The following TGM2 variants were observed in gnomAD, a reference collection of about 807,000 sequenced individuals.
TGM2 encodes transglutaminase 2, also known as protein-glutamine gamma-glutamyltransferase 2.
TGM2 carries 53 observed loss-of-function variants against 75.6 expected under a neutral mutation model. The observed-to-expected ratio is 0.70, with a 90% CI of 0.56 to 0.88. The LOEUF is 0.88. Ranked by LOEUF, TGM2 falls within the 40% of genes least tolerant of loss-of-function variation. The probability of loss-of-function intolerance (pLI) is 0.00; values close to 1 mark genes in which losing one functional copy is unlikely to be tolerated. For synonymous variants in TGM2, 374 were observed against 381.1 expected, an observed-to-expected ratio of 0.98 and a Z score of 0.22; for missense variants, 842 against 928.5, an observed-to-expected ratio of 0.91 and a Z score of 1.21.
chr20:38,146,378 G>A, intron 6 of TGM2: 1 of 408,374 alleles, frequency 2.4e-6, no homozygotes, highest in Admixed American at 3.8e-5. Flanking sequence ...TCAGAAAGAA[G>A]TCATTTGCTC....
chr20:38,134,912 T>C (rs1487354421), intron 10 of TGM2, among the ~76,000 whole-genome samples: 1 of 152,214 alleles, frequency 6.6e-6, no homozygotes, highest in East Asian at 1.9e-4. Flanking sequence ...CAGCTTGAGC[T>C]TGGCATTGGA....
intron 3 of TGM2, among the ~76,000 whole-genome samples, chr20:38,154,844 G>T (rs1041291482): frequency 1.3e-5 from 2 of 151,334 alleles, no homozygotes; most frequent in African/African-American, 4.8e-5. Context: ...GGTGGCTCAC[G>T]CCTGTAATCC....
chr20:38,130,210 A>G lies in TGM2; in HGVS notation c.*9T>C, dbSNP rs1568679554. The G allele has an allele frequency of 1.2e-6, 2 of 1,613,328 alleles. No homozygotes were observed. The highest frequency in any genetic ancestry group is 1.7e-6 in the Non-Finnish European group (2 of 1,179,874). ...TGGGGGCTCTCAGCAGGCTGGGAGC[A>G]GGGGTCCCTTAGGCGGGGCCAATGA... On this transcript the variant is annotated 3_prime_UTR_variant, in exon 13 of 13. Coordinates refer to ENST00000361475, the MANE Select transcript of TGM2 (RefSeq NM_004613.4).
intron 1 of TGM2, among the ~76,000 whole-genome samples, chr20:38,161,900 C>T (rs1278740034): frequency 1.3e-5 from 2 of 152,166 alleles, no homozygotes; most frequent in Non-Finnish European, 2.9e-5. Flanking sequence ...CTCAAGGGAT[C>T]GTCCCACCCC....
At chr20:38,140,684 T>G (rs982333836) in intron 8 of TGM2, among the ~76,000 whole-genome samples, 2 of 152,224 alleles carry the variant, frequency 1.3e-5, no homozygotes, top group Non-Finnish European at 2.9e-5. Context: ...TTATGGAACT[T>G]ACTGACTCTA....
chr20:38,148,135 C>A lies in TGM2; in HGVS notation c.553-46G>T, dbSNP rs1408092535. 6.2e-6 allele frequency: 10 copies of A among 1,612,702 alleles called. No individual in the cohort carries two copies. In the South Asian group the frequency reaches 9.9e-5, roughly 16 times the overall value. ...GGAGAAAGAGGGAGCTGGGAAGGCA[C>A]CTCCTCCAGGAAGCCTGCGTTGAAG... On this transcript the variant is annotated intron_variant, in intron 4 of 12. Transcript: ENST00000361475.
chr20:38,141,238 T>G lies in TGM2; in HGVS notation c.1099+44A>C, dbSNP rs1332028134. Reference sequence around the variant, plus strand: ...CTGAGTCACTTTAACTCTCCAAGCCTCGTCTTCCCCATCTGTTTGACGCGA... The same window carrying G: ...CTGAGTCACTTTAACTCTCCAAGCCGCGTCTTCCCCATCTGTTTGACGCGA... On this transcript the variant is annotated intron_variant, in intron 8 of 12. Coordinates refer to ENST00000361475, the MANE Select transcript of TGM2 (RefSeq NM_004613.4). 1.0e-5 allele frequency: 15 copies of G among 1,493,896 alleles called. No homozygotes were observed. In the South Asian group the frequency reaches 1.8e-4, roughly 18 times the overall value. The allele number at this position is 1,493,896 out of a possible 1,614,324, so 92.5% of individuals were successfully genotyped here.
At chr20:38,146,464 G>T (rs890678923) in intron 6 of TGM2, 4 of 570,810 alleles carry the variant, frequency 7.0e-6, no homozygotes, top group Middle Eastern at 2.6e-4. Context: ...GAGAACGTGG[G>T]CTCCAGTGCC....
rs990475070 is a variant in TGM2, at chr20:38,128,532, G to A, written c.*1687C>T. 2 of 152,212 alleles carry A rather than the reference G, an allele frequency of 1.3e-5. No homozygotes were observed. The highest frequency in any genetic ancestry group is 2.9e-5 in the Non-Finnish European group (2 of 68,040). 9.4% of individuals were successfully genotyped at this position (152,212 alleles called of 1,614,324 possible). ...CGGTTCAGAAGCACATCTACTGCCT[G>A]GTTGGAACCCAAGGCTTTTATAAAA... On this transcript the variant is annotated 3_prime_UTR_variant, in exon 13 of 13. Coordinates refer to ENST00000361475, the MANE Select transcript of TGM2 (RefSeq NM_004613.4).
intron 3 of TGM2, among the ~76,000 whole-genome samples, chr20:38,152,869 A>G (rs533462713): frequency 1.7e-4 from 26 of 152,388 alleles, no homozygotes; most frequent in Non-Finnish European, 2.6e-4. Flanking sequence ...GAGGCCAAGC[A>G]GGAGGAAGGG....
upstream of TGM2, among the ~76,000 whole-genome samples, chr20:38,166,244 C>G (rs982751928): frequency 4.0e-5 from 6 of 149,542 alleles, no homozygotes; most frequent in Non-Finnish European, 9.0e-5. Context: ...ATCTACCCAT[C>G]CATCCACTCA....
At position 38,147,990 on chromosome 20, in the gene TGM2, C is replaced by T. The variant is rs200412435; in HGVS notation, c.652G>A (p.Val218Ile). The T allele has an allele frequency of 6.8e-6, 11 of 1,612,934 alleles. No individual in the cohort carries two copies. Among genetic ancestry groups the T allele is most frequent in the East Asian group, 2.2e-5 (1 of 44,874 alleles). The change falls in exon 5 of 13, where the codon GTC becomes ATC. Residue 218 changes from valine to isoleucine, a missense_variant. Physicochemically the swap from Val to Ile is conservative, Grantham distance 29. Coordinates refer to ENST00000361475, the MANE Select transcript of TGM2 (RefSeq NM_004613.4). ...GRDCSRRSSP[V>I]YVGRVVSGMV... ...CCACTCACCACCCGGCCCACGTAGA[C>T]GGGGCTGCTGCGGCGGGAGCAGTCA... is the stretch of plus-strand genomic sequence containing the variant.
At chr20:38,151,132 G>T in intron 3 of TGM2, 75 bp from the exon 4 acceptor site, 1 of 1,129,444 alleles carries the variant, frequency 8.9e-7, no homozygotes, top group Non-Finnish European at 1.4e-6. Context: ...GGAGTCAAGG[G>T]TGCCAATTCC....
intron 10 of TGM2, among the ~76,000 whole-genome samples, chr20:38,136,782 G>A (rs1363741274): frequency 2.6e-5 from 4 of 152,166 alleles, no homozygotes; most frequent in Admixed American, 6.5e-5. Context: ...GCTGCTGGGC[G>A]GAGCCCTGGG....
Position 38,151,199 on chromosome 20 carries a change from A to T in TGM2, c.434-142T>A, listed in dbSNP as rs188902190. Reference sequence around the variant, plus strand: ...CTTCTTTTAATTAGAAAAAGTAACCATTAATGAATAATCCCACGTCAATGA... The same window carrying T: ...CTTCTTTTAATTAGAAAAAGTAACCTTTAATGAATAATCCCACGTCAATGA... On this transcript the variant is annotated intron_variant, in intron 3 of 12. Transcript: ENST00000361475. 9 of 700,852 alleles carry T rather than the reference A, an allele frequency of 1.3e-5. No individual in the cohort carries two copies. In the Admixed American group the frequency reaches 1.8e-4, roughly 14 times the overall value. The allele number at this position is 700,852 out of a possible 1,614,324, so 43.4% of individuals were successfully genotyped here.
chr20:38,146,312 A>G, intron 6 of TGM2: 2 of 328,488 alleles, frequency 6.1e-6, no homozygotes, highest in South Asian at 5.2e-5. Flanking sequence ...TGTCACACCC[A>G]CTCTAGGAGG....
chr20:38,159,119 C>A (rs1021074866), intron 2 of TGM2, among the ~76,000 whole-genome samples: 3 of 152,112 alleles, frequency 2.0e-5, no homozygotes, highest in Admixed American at 1.3e-4. Context: ...CAGCCCTTCA[C>A]CCAACCCCAA....
chr20:38,145,288 G>A (rs2075031314), intron 6 of TGM2: 1 of 152,180 alleles, frequency 6.6e-6, no homozygotes, highest in Non-Finnish European at 1.5e-5. Flanking sequence ...AGAAAAGCTG[G>A]AAGCCCCAGA....
chr20:38,138,876 T>C (rs2074933943), intron 9 of TGM2, among the ~76,000 whole-genome samples: 1 of 152,206 alleles, frequency 6.6e-6, no homozygotes, highest in African/African-American at 2.4e-5. Flanking sequence ...TTTGATTTTT[T>C]TCTCCCAGTG....
Sources: gnomAD v4.1 joint callset for allele counts (sites outside exome capture counted in the v4.1 genomes callset) on GRCh38, gnomAD v4.1.1 for gene constraint, MANE v1.5 for transcripts, NCBI Gene and HGNC (gene_info 2026-07-23, HGNC 2026-07-21) for gene names.